The following HMCN1 variants were observed in gnomAD, a reference collection of about 807,000 sequenced individuals.
HMCN1 encodes the protein hemicentin 1, also known as hemicentin-1.
In HMCN1, 321 loss-of-function variants were observed where a neutral mutation model predicts 625.9. The ratio of observed to expected loss-of-function variants is 0.51; its 90% CI spans 0.47 to 0.56. The LOEUF is 0.56. HMCN1 is among the 20% of genes least tolerant of loss of function. The pLI, the probability that HMCN1 is intolerant of heterozygous loss-of-function variation, is 0.00. For synonymous variants in HMCN1, 2,425 were observed against 2,417.6 expected (o/e 1.00, Z -0.09); for missense variants, 6,588 against 6,887.3 (o/e 0.96, Z 1.54).
At chr1:186,186,994 T>TCACACACACACACACACACACACA (rs371455899) in intron 105 of HMCN1, among the ~76,000 whole-genome samples, 1 of 134,516 alleles carries the variant, frequency 7.4e-6, no homozygotes, top group African/African-American at 2.9e-5. Context: ...TGTCTCTGTC[T>TCACACACACACACACACACACACA]CACACACACA....
intron 104 of HMCN1, among the ~76,000 whole-genome samples, chr1:186,180,626 A>T (rs1283671577): frequency 6.6e-6 from 1 of 152,134 alleles, no homozygotes. Context: ...TCTTCCGTTT[A>T]TGTTAAACCA....
At chr1:185,904,827 G>A (rs1393198277) in intron 4 of HMCN1, among the ~76,000 whole-genome samples, 1 of 151,750 alleles carries the variant, frequency 6.6e-6, no homozygotes, top group Non-Finnish European at 1.5e-5. Context: ...GCAGGTGTTA[G>A]TGTCAATTTT....
At position 185,947,890 on chromosome 1, in the gene HMCN1, T is replaced by C. The variant is rs1668426361; in HGVS notation, c.1828+14066T>C. ...TCTTAGTGAGATTTTGTATTTTTCATTGTGCTAGTTTCACGTGGAAAAGTT... is the reference window on the plus strand; with the variant it reads ...TCTTAGTGAGATTTTGTATTTTTCACTGTGCTAGTTTCACGTGGAAAAGTT... On this transcript the variant is annotated intron_variant, in intron 11 of 106. Coordinates refer to ENST00000271588, the MANE Select transcript of HMCN1 (RefSeq NM_031935.3). 1.3e-5 allele frequency among the ~76,000 whole-genome samples: 2 copies of C among 152,236 alleles called. 1 individual carries two copies. Among genetic ancestry groups the C allele is most frequent in the African/African-American group, 4.8e-5 (2 of 41,450 alleles).
Position 186,123,139 on chromosome 1 carries a change from C to G in HMCN1, c.12418C>G (p.Pro4140Ala). 1 of 1,614,022 alleles carries G rather than the reference C, an allele frequency of 6.2e-7. No individual in the cohort carries two copies. The highest frequency in any genetic ancestry group is 1.1e-5 in the South Asian group (1 of 91,074). The part of the protein sequence containing the change: ...SGSLQIAFVQ[P>A]GDAGHYTCMA... ...CTCTCTGCAAATAGCATTTGTCCAGCCTGGTGATGCTGGCCATTACACGTG... is the reference window on the plus strand; with the variant it reads ...CTCTCTGCAAATAGCATTTGTCCAGGCTGGTGATGCTGGCCATTACACGTG... The change falls in exon 81 of 107, where the codon CCT (proline) becomes GCT (alanine). Residue 4140 changes from proline to alanine, a missense_variant. Pro to Ala is a conservative substitution (Grantham distance 27, BLOSUM62 -1). Coordinates refer to ENST00000271588, the MANE Select transcript of HMCN1 (RefSeq NM_031935.3).
chr1:186,016,194 A>G lies in HMCN1; in HGVS notation c.5146A>G (p.Ser1716Gly). 3 of 1,613,328 alleles carry G rather than the reference A, an allele frequency of 1.9e-6. No homozygotes were observed. Among genetic ancestry groups the G allele is most frequent in the Non-Finnish European group, 2.5e-6 (3 of 1,179,454 alleles). Reference protein sequence around the residue: ...DRGQYICVATSVAGEKEIKYE... With the variant: ...DRGQYICVATGVAGEKEIKYE... Reference sequence around the variant, plus strand: ...AGGACAGTACATATGCGTGGCTACCAGTGTGGCAGGAGAAAAGGAAATCAA... The same window carrying G: ...AGGACAGTACATATGCGTGGCTACCGGTGTGGCAGGAGAAAAGGAAATCAA... Residue 1716 changes from serine to glycine, a missense_variant, in exon 32 of 107, where the codon AGT becomes GGT. Ser to Gly is a moderately conservative substitution (Grantham distance 56). Transcript: ENST00000271588.
At chr1:185,908,901 T>C (rs1666251979) in intron 4 of HMCN1, among the ~76,000 whole-genome samples, 1 of 151,158 alleles carries the variant, frequency 6.6e-6, no homozygotes, top group South Asian at 2.1e-4. Context: ...TTGGATTTGA[T>C]AATTTGCTAA....
At chr1:185,936,331 T>C (rs1010404301) in intron 11 of HMCN1, among the ~76,000 whole-genome samples, 2 of 152,056 alleles carry the variant, frequency 1.3e-5, no homozygotes, top group Non-Finnish European at 2.9e-5. Context: ...TAGTAAAAAC[T>C]AGCAGCAATT....
chr1:186,100,439 C>T (rs1660333542), intron 68 of HMCN1, among the ~76,000 whole-genome samples: 1 of 151,984 alleles, frequency 6.6e-6, no homozygotes, highest in African/African-American at 2.4e-5. Flanking sequence ...CTGAAAAGTC[C>T]AGTGTGGCTA....
At chr1:185,838,633 TACAAAAC>T (rs1402674487) in intron 1 of HMCN1, among the ~76,000 whole-genome samples, 2 of 152,034 alleles carry the variant, frequency 1.3e-5, no homozygotes, top group African/African-American at 4.8e-5. Context: ...GAACTTCACT[TACAAAAC>T]ACAAATCCAA....
At chr1:186,057,031 T>TCACACACACA (rs59926356) in intron 45 of HMCN1, among the ~76,000 whole-genome samples, 100 of 148,032 alleles carry the variant, frequency 6.8e-4, no homozygotes, top group African/African-American at 2.4e-3. Context: ...TCCAGGAATG[T>TCACACACACA]CACACACACA....
At position 186,074,789 on chromosome 1, in the gene HMCN1, C is replaced by G. The variant is rs1217879492; in HGVS notation, c.8188C>G (p.Leu2730Val). Residue 2730 changes from leucine (L) to valine (V), a missense_variant, in exon 53 of 107, where the codon CTT becomes GTT. Transcript: ENST00000271588. ...TAATATTGCTGCGAATGGACACACACTTCAAATAAAGGAGGCTCAAATATC... is the reference window on the plus strand; with the variant it reads ...TAATATTGCTGCGAATGGACACACAGTTCAAATAAAGGAGGCTCAAATATC... Reference protein sequence around the residue: ...HVNIAANGHTLQIKEAQISDT... With the variant: ...HVNIAANGHTVQIKEAQISDT... 6.2e-7 allele frequency: 1 copy of G among 1,612,904 alleles called. No individual in the cohort carries two copies. Among genetic ancestry groups the G allele is most frequent in the South Asian group, 1.1e-5 (1 of 91,052 alleles).
At chr1:186,073,280 A>G (rs1658584431) in intron 52 of HMCN1, among the ~76,000 whole-genome samples, 1 of 152,202 alleles carries the variant, frequency 6.6e-6, no homozygotes, top group African/African-American at 2.4e-5. Flanking sequence ...ACCAGCATGA[A>G]TGTCATTGGT....
At chr1:186,059,621 A>ATG (rs1428221588) in intron 46 of HMCN1, among the ~76,000 whole-genome samples, 3 of 152,060 alleles carry the variant, frequency 2.0e-5, no homozygotes, top group Non-Finnish European at 4.4e-5. Flanking sequence ...CGAATGGCAT[A>ATG]TGTCTTGCTT....
chr1:185,823,385 G>A (rs372166236), intron 1 of HMCN1, among the ~76,000 whole-genome samples: 1 of 152,160 alleles, frequency 6.6e-6, no homozygotes, highest in South Asian at 2.1e-4. Flanking sequence ...AACTGTGAAA[G>A]TGTAGGCAAC....
At chr1:185,815,696 T>C (rs1390604375) in intron 1 of HMCN1, among the ~76,000 whole-genome samples, 1 of 150,098 alleles carries the variant, frequency 6.7e-6, no homozygotes, top group Non-Finnish European at 1.5e-5. Context: ...CCGATCTTAG[T>C]ATGTTCAGCA....
chr1:185,935,743 AAT>A (rs927629897), intron 11 of HMCN1, among the ~76,000 whole-genome samples: 1 of 152,148 alleles, frequency 6.6e-6, no homozygotes, highest in African/African-American at 2.4e-5. Context: ...ATCTAACAAA[AAT>A]ATAGTCTAGA....
intron 96 of HMCN1, 135 bp downstream of exon 96, chr1:186,153,006 T>C: frequency 1.7e-6 from 2 of 1,203,138 alleles, no homozygotes; most frequent in Non-Finnish European, 2.4e-6. Context: ...AATAACTATC[T>C]GATCTTTGTT....
At chr1:186,041,374 T>C (rs1374131626) in intron 40 of HMCN1, among the ~76,000 whole-genome samples, 2 of 152,170 alleles carry the variant, frequency 1.3e-5, no homozygotes, top group Non-Finnish European at 2.9e-5. Context: ...GTTGGTTTTA[T>C]AGAGTACTCT....
chr1:185,952,771 G>T (rs774903425), intron 11 of HMCN1, among the ~76,000 whole-genome samples: 1 of 151,686 alleles, frequency 6.6e-6, no homozygotes, highest in East Asian at 1.9e-4. Flanking sequence ...GAAGGTGGAA[G>T]CTTGCCCATA....
Sources: allele counts gnomAD v4.1 joint callset (sites outside exome capture counted in the v4.1 genomes callset), GRCh38; gene constraint gnomAD v4.1.1; transcripts MANE v1.5; gene names NCBI Gene and HGNC (gene_info 2026-07-23, HGNC 2026-07-21).